Variants in USP42 observed in about 807,000 individuals in gnomAD.
The protein encoded by USP42 is ubiquitin carboxyl-terminal hydrolase 42.
A neutral mutation model predicts 113.0 loss-of-function variants in USP42; 23 were observed. That is an observed-to-expected ratio of 0.20 (90% CI 0.15 to 0.29). USP42 has a LOEUF of 0.29. USP42 is among the 10% of genes least tolerant of loss of function. USP42 has a pLI of 1.00. For missense variants in USP42, 2,174 were observed against 1,779.8 expected (o/e 1.22, Z -3.99); for synonymous variants, 933 against 699.0 (o/e 1.33, Z -5.28).
At position 6,153,900 on chromosome 7, in the gene USP42, C is replaced by T. The variant is rs762845129; in HGVS notation, c.2346C>T (p.Gly782=). 1.7e-5 allele frequency: 27 copies of T among 1,589,526 alleles called. No individual in the cohort carries two copies. Among genetic ancestry groups the T allele is most frequent in the Non-Finnish European group, 2.3e-5 (27 of 1,170,306 alleles). ...AGGCTCCGCCGCCCCGCGATCCCGG[C>T]ACCCCCGCTACCAAAGAAGGCGCCT... ...TKKAPPPRDP[G]TPATKEGAWE... Residue 782 remains glycine (G), a synonymous_variant, in exon 15 of 18, where the codon GGC becomes GGT. Coordinates refer to ENST00000306177, the MANE Select transcript of USP42 (RefSeq NM_032172.3).
chr7:6,137,970 C>T (rs945099398), intron 4 of USP42, among the ~76,000 whole-genome samples: 6 of 152,208 alleles, frequency 3.9e-5, no homozygotes, highest in East Asian at 1.9e-4. Flanking sequence ...TGAGCCACCA[C>T]GCCCGACCAC....
chr7:6,154,749 G>C lies in USP42; in HGVS notation c.3195G>C (p.Arg1065Ser). 1 of 1,564,762 alleles carries C rather than the reference G, an allele frequency of 6.4e-7. No individual in the cohort carries two copies. The highest frequency in any genetic ancestry group is 8.6e-7 in the Non-Finnish European group (1 of 1,156,538). ...ACAGGTGCCGGTACTACCATGACAGGTACGCCCTGTACGCTGCCCGGGACT... is the reference window on the plus strand; with the variant it reads ...ACAGGTGCCGGTACTACCATGACAGCTACGCCCTGTACGCTGCCCGGGACT... ...RWDRCRYYHD[R>S]YALYAARDWK... is the part of the protein sequence containing the mutation. The change falls in exon 15 of 18, where the codon AGG becomes AGC. Residue 1065 changes from arginine (R) to serine (S), a missense_variant. Transcript: ENST00000306177.
At position 6,144,058 on chromosome 7, in the gene USP42, T is replaced by A. The variant is rs768495952; in HGVS notation, c.879-27T>A. Reference sequence around the variant, plus strand: ...AATTGTGTGTATATATTCGTCTTCTTATACTTTTGTTTCTGTTTGTTTCAA... The same window carrying A: ...AATTGTGTGTATATATTCGTCTTCTAATACTTTTGTTTCTGTTTGTTTCAA... On this transcript the variant is annotated intron_variant, in intron 8 of 17. Transcript: ENST00000306177. 5.6e-6 allele frequency: 8 copies of A among 1,435,076 alleles called. No individual in the cohort carries two copies. In the South Asian group the frequency reaches 9.4e-5, roughly 17 times the overall value. 88.9% of individuals were successfully genotyped at this position (1,435,076 alleles called of 1,614,324 possible).
chr7:6,122,925 G>A (rs1780316573), intron 3 of USP42, among the ~76,000 whole-genome samples: 1 of 151,826 alleles, frequency 6.6e-6, no homozygotes, highest in Admixed American at 6.6e-5. Context: ...TCAAGTTCAA[G>A]TGATTCTCAT....
At chr7:6,152,672 G>A (rs1258414291) in intron 14 of USP42, among the ~76,000 whole-genome samples, 4 of 152,228 alleles carry the variant, frequency 2.6e-5, no homozygotes, top group South Asian at 2.1e-4. Context: ...GCCAGGTAGC[G>A]TGAGGGTGAG....
chr7:6,099,088 C>T, the USP42 span, among the ~76,000 whole-genome samples: 3 of 149,940 alleles, frequency 2.0e-5, 1 homozygote, highest in African/African-American at 7.4e-5. Context: ...GTTAAGTCCT[C>T]TGCCTGGTTT....
At chr7:6,160,326 A>C (rs1014230359) in intron 17 of USP42, among the ~76,000 whole-genome samples, 1 of 152,054 alleles carries the variant, frequency 6.6e-6, no homozygotes, top group Non-Finnish European at 1.5e-5. Flanking sequence ...GAGGTGGAGG[A>C]GGCATCTGGG....
At chr7:6,115,802 AT>A (rs1219717073) in intron 3 of USP42, among the ~76,000 whole-genome samples, 1 of 152,142 alleles carries the variant, frequency 6.6e-6, no homozygotes, top group Non-Finnish European at 1.5e-5. Context: ...TACTAAAAAA[AT>A]GTGACAGAAA....
In USP42 at chr7:6,150,430, C is replaced by T. The variant is rs1011609018; in HGVS notation, c.2125C>T (p.Leu709=). The T allele has an allele frequency of 3.1e-6, 5 of 1,613,968 alleles. No individual in the cohort carries two copies. The highest frequency in any genetic ancestry group is 1.3e-5 in the African/African-American group (1 of 75,044). The change falls in exon 14 of 18, where the codon CTG becomes TTG. Residue 709 remains leucine (L), a synonymous_variant. Coordinates refer to ENST00000306177, the MANE Select transcript of USP42 (RefSeq NM_032172.3). ...LPGKLMPAPL[L]SLPEDKILET... is the part of the protein sequence containing the mutation. Reference sequence around the variant, plus strand: ...ATTGCAGTTGATGCCTGCTCCTTTGCTGTCTCTCCCAGAAGACAAAATCTT... The same window carrying T: ...ATTGCAGTTGATGCCTGCTCCTTTGTTGTCTCTCCCAGAAGACAAAATCTT...
chr7:6,123,054 G>T (rs1272776129), intron 3 of USP42, among the ~76,000 whole-genome samples: 1 of 150,254 alleles, frequency 6.7e-6, no homozygotes. Flanking sequence ...TCAAACTCCT[G>T]ACCTCAGGTG....
chr7:6,138,224 T>C (rs1159292961), intron 4 of USP42, among the ~76,000 whole-genome samples: 2 of 152,238 alleles, frequency 1.3e-5, no homozygotes, highest in Non-Finnish European at 2.9e-5. Context: ...TTTAGTGTGA[T>C]ATTGCTTATA....
Position 6,149,892 on chromosome 7 carries a change from A to G in USP42, c.1696A>G (p.Thr566Ala), listed in dbSNP as rs1411123906. The change falls in exon 13 of 18, where the codon ACC becomes GCC. Residue 566 changes from threonine to alanine, a missense_variant. By Grantham distance (58) the Thr-to-Ala change is moderately conservative. Transcript: ENST00000306177. ...STITNSAVQS[T>A]SNASTMSVSS... ...CATTACCAATTCTGCAGTACAGTCT[A>G]CCTCGAACGCATCTACGATGTCAGT... The G allele has an allele frequency of 6.2e-7, 1 of 1,614,032 alleles. No individual in the cohort carries two copies. The highest frequency in any genetic ancestry group is 1.7e-5 in the Admixed American group (1 of 60,030).
intron 15 of USP42, 137 bp downstream of exon 15, chr7:6,155,332 G>T: frequency 7.2e-7 from 1 of 1,384,300 alleles, no homozygotes; most frequent in African/African-American, 1.4e-5. Context: ...TTTCATTTCT[G>T]TGGGTTTTGA....
chr7:6,097,230 G>A, the USP42 span, among the ~76,000 whole-genome samples: 11 of 151,078 alleles, frequency 7.3e-5, no homozygotes, highest in South Asian at 4.1e-4. Context: ...TCTGCCCTCC[G>A]TGGTCCTGGT....
intron 1 of USP42, among the ~76,000 whole-genome samples, chr7:6,109,718 T>G (rs1355255576): frequency 2.2e-5 from 3 of 138,976 alleles, no homozygotes; most frequent in Non-Finnish European, 4.6e-5. Flanking sequence ...TTTTTTTTTT[T>G]GAGACTTAAT....
At chr7:6,091,539 G>A in the USP42 span, among the ~76,000 whole-genome samples, 2 of 150,596 alleles carry the variant, frequency 1.3e-5, no homozygotes, top group African/African-American at 5.0e-5. Flanking sequence ...CATACATAGC[G>A]TCTAGTCAGC....
chr7:6,110,920 T>A (rs536733319), intron 1 of USP42, among the ~76,000 whole-genome samples: 2 of 152,328 alleles, frequency 1.3e-5, no homozygotes, highest in Admixed American at 6.5e-5. Context: ...AAATAAAGAT[T>A]GTTGACATTC....
chr7:6,154,395 G>A lies in USP42; in HGVS notation c.2841G>A (p.Lys947=), dbSNP rs763471439. The change falls in exon 15 of 18, where the codon AAG becomes AAA. Residue 947 remains lysine (K), a synonymous_variant. Transcript: ENST00000306177. ...AGGAGAAAATCGGCAGCCTCAGAAA[G>A]GTGGACCGAGGCCACTACCGCAGCC... The part of the protein sequence containing the change: ...PAKEKIGSLR[K]VDRGHYRSRR... 23 of 1,576,600 alleles carry A rather than the reference G, an allele frequency of 1.5e-5. No homozygotes were observed. In the South Asian group the frequency reaches 2.2e-4, roughly 15 times the overall value.
the USP42 span, among the ~76,000 whole-genome samples, chr7:6,092,200 C>T: frequency 1.8e-5 from 2 of 108,798 alleles, no homozygotes; most frequent in African/African-American, 7.2e-5. Flanking sequence ...TTTTTTGAGA[C>T]AGATTCTCGC....
Sources: gnomAD v4.1 joint callset for allele counts (sites outside exome capture counted in the v4.1 genomes callset) on GRCh38, gnomAD v4.1.1 for gene constraint, MANE v1.5 for transcripts, NCBI Gene and HGNC (gene_info 2026-07-23, HGNC 2026-07-21) for gene names.